Variants in SYNE1 observed in about 807,000 individuals in gnomAD.
SYNE1 encodes nesprin-1.
A neutral mutation model predicts 1,111.0 loss-of-function variants in SYNE1; 616 were observed. That is an observed-to-expected ratio of 0.55 (90% CI 0.52 to 0.59). SYNE1 has a LOEUF of 0.59. SYNE1 is among the 20% of genes least tolerant of loss of function. SYNE1 has a pLI of 0.00. For missense variants in SYNE1, 10,006 were observed against 10,417.0 expected (o/e 0.96, Z 1.72); for synonymous variants, 3,855 against 3,825.8 (o/e 1.01, Z -0.28).
chr6:152,480,587 A>AT (rs1281417311), intron 14 of SYNE1, among the ~76,000 whole-genome samples: 1 of 152,150 alleles, frequency 6.6e-6, no homozygotes, highest in African/African-American at 2.4e-5. Flanking sequence ...CCTAATATAT[A>AT]TTTTTCAATA....
intron 4 of SYNE1, among the ~76,000 whole-genome samples, chr6:152,539,194 A>C (rs2099258102): frequency 6.6e-6 from 1 of 152,206 alleles, no homozygotes; most frequent in African/African-American, 2.4e-5. Context: ...AGGGAGAGTC[A>C]ACATAACTTC....
chr6:152,297,853 T>C (rs1383928814), intron 93 of SYNE1, among the ~76,000 whole-genome samples: 1 of 151,400 alleles, frequency 6.6e-6, no homozygotes, highest in Non-Finnish European at 1.5e-5. Flanking sequence ...CCTACAGATA[T>C]GAATGACAAC....
intron 93 of SYNE1, among the ~76,000 whole-genome samples, chr6:152,294,715 A>G (rs2094783108): frequency 6.6e-6 from 1 of 152,220 alleles, no homozygotes; most frequent in African/African-American, 2.4e-5. Context: ...ATTTCCTAAA[A>G]GTATACACAC....
intron 55 of SYNE1, among the ~76,000 whole-genome samples, chr6:152,382,705 C>A (rs554106139): frequency 2.2e-4 from 34 of 152,064 alleles, no homozygotes; most frequent in African/African-American, 7.2e-4. Flanking sequence ...AACTAATAGA[C>A]CTTAATACTT....
intron 75 of SYNE1, among the ~76,000 whole-genome samples, chr6:152,337,307 G>A (rs1294505103): frequency 8.0e-6 from 1 of 124,972 alleles, no homozygotes; most frequent in African/African-American, 3.1e-5. Context: ...TTTTTTTTTT[G>A]AGACAGAGTT....
At chr6:152,495,232 C>T (rs1166713985) in intron 11 of SYNE1, among the ~76,000 whole-genome samples, 2 of 152,190 alleles carry the variant, frequency 1.3e-5, no homozygotes, top group Non-Finnish European at 2.9e-5. Context: ...CCACATGCCC[C>T]GAGTCAGGAA....
At chr6:152,273,988 T>G (rs1006085747) in intron 98 of SYNE1, among the ~76,000 whole-genome samples, 1 of 152,212 alleles carries the variant, frequency 6.6e-6, no homozygotes, top group Non-Finnish European at 1.5e-5. Flanking sequence ...TATAAATGAT[T>G]GCTATCCTAC....
At chr6:152,452,852 G>A (rs1219473578) in intron 25 of SYNE1, among the ~76,000 whole-genome samples, 7 of 152,110 alleles carry the variant, frequency 4.6e-5, no homozygotes, top group East Asian at 1.9e-4. Flanking sequence ...GCGGGCCCCC[G>A]TGTCCCGCTT....
chr6:152,425,136 TTAATC>T (rs1479515589), intron 39 of SYNE1, among the ~76,000 whole-genome samples: 2 of 152,234 alleles, frequency 1.3e-5, no homozygotes, highest in Non-Finnish European at 2.9e-5. Context: ...CCTACCGTCT[TTAATC>T]TATTTCAACT....
chr6:152,454,355 C>T (rs1159180237), intron 24 of SYNE1, among the ~76,000 whole-genome samples: 1 of 152,120 alleles, frequency 6.6e-6, no homozygotes, highest in African/African-American at 2.4e-5. Context: ...ATGGGGTCCT[C>T]ATGATAGGAT....
At chr6:152,309,668 G>A (rs1304131092) in intron 90 of SYNE1, among the ~76,000 whole-genome samples, 167 bp downstream of exon 90, 1 of 152,116 alleles carries the variant, frequency 6.6e-6, no homozygotes, top group African/African-American at 2.4e-5. Context: ...GGCTTTTGTG[G>A]GTGATCCAAA....
At chr6:152,264,424 AC>A (rs1474985199) in intron 100 of SYNE1, among the ~76,000 whole-genome samples, 1 of 152,070 alleles carries the variant, frequency 6.6e-6, no homozygotes, top group Non-Finnish European at 1.5e-5. Context: ...ACTCTGTGGT[AC>A]CCCAAAGCCA....
Position 152,344,161 on chromosome 6 carries a change from G to A in SYNE1, c.12145C>T (p.Gln4049Ter), listed in dbSNP as rs1472271509. The A allele has an allele frequency of 6.2e-7, 1 of 1,614,208 alleles. No homozygotes were observed. The highest frequency in any genetic ancestry group is 8.5e-7 in the Non-Finnish European group (1 of 1,180,028). ...GGCTGGACTGCAGAAAGCCAGGCCTGGCACTGCTGCAGGGTGTCTTGTCGG... is the reference window on the plus strand; with the variant it reads ...GGCTGGACTGCAGAAAGCCAGGCCTAGCACTGCTGCAGGGTGTCTTGTCGG... The part of the protein sequence containing the change: ...VSRQDTLQQC[Q>*]AWLSAVQPDL... Residue 4049 changes from glutamine (Q) to a stop codon, truncating the protein, a stop_gained, in exon 74 of 146, where the codon CAG (glutamine) becomes TAG (stop). Transcript: ENST00000367255. LOFTEE classifies it high-confidence loss of function.
In SYNE1 at chr6:152,325,983, G is replaced by T. The variant is rs143916942; in HGVS notation, c.15413C>A (p.Ala5138Glu). 2 of 1,613,930 alleles carry T rather than the reference G, an allele frequency of 1.2e-6. No homozygotes were observed. Among genetic ancestry groups the T allele is most frequent in the Non-Finnish European group, 1.7e-6 (2 of 1,179,994 alleles). Residue 5138 changes from alanine to glutamate, a missense_variant, in exon 80 of 146, where the codon GCG becomes GAG. This residue lies in a region of SYNE1 where 4,955 missense variants were observed against 5,017.2 expected (regional missense o/e 0.99). Transcript: ENST00000367255. ...CTTGTGTTCTGACAATTTTTCTTCC[G>T]CTTCATGACTAGACGAAGTCTTCAA... Reference protein sequence around the residue: ...SLLKTSSSHEAEEKLSEHKAL... With the variant: ...SLLKTSSSHEEEEKLSEHKAL...
intron 130 of SYNE1, among the ~76,000 whole-genome samples, chr6:152,173,436 G>C (rs2065684625): frequency 6.6e-6 from 1 of 152,200 alleles, no homozygotes; most frequent in Non-Finnish European, 1.5e-5. Flanking sequence ...CATACACTGG[G>C]TTATATTTTG....
chr6:152,393,846 C>G (rs933445177), intron 51 of SYNE1, among the ~76,000 whole-genome samples: 9 of 152,094 alleles, frequency 5.9e-5, no homozygotes, highest in African/African-American at 2.2e-4. Context: ...TTTTATTTTA[C>G]TTTAAGTTCT....
chr6:152,362,089 A>G, intron 64 of SYNE1, 81 bp downstream of exon 64: 1 of 1,601,498 alleles, frequency 6.2e-7, no homozygotes, highest in Non-Finnish European at 8.6e-7. Flanking sequence ...CCTAGGGTAC[A>G]CGTAATCCCA....
intron 100 of SYNE1, among the ~76,000 whole-genome samples, chr6:152,263,254 C>T (rs2092289436): frequency 6.6e-6 from 1 of 151,796 alleles, no homozygotes; most frequent in Non-Finnish European, 1.5e-5. Context: ...TAGTACAGGA[C>T]ACAGAGAGAC....
chr6:152,441,972 C>G, intron 31 of SYNE1, 103 bp downstream of exon 31: 1 of 1,367,834 alleles, frequency 7.3e-7, no homozygotes, highest in Non-Finnish European at 1.0e-6. Context: ...AGGGCTGAAA[C>G]ATCAGAGGCG....
Sources: gnomAD v4.1 joint callset for allele counts (sites outside exome capture counted in the v4.1 genomes callset) on GRCh38, gnomAD v4.1.1 for gene constraint, gnomAD v4.1.1 regional missense constraint, MANE v1.5 for transcripts, NCBI Gene and HGNC (gene_info 2026-07-23, HGNC 2026-07-21) for gene names.